Variants in BANK1 observed in about 807,000 individuals in gnomAD.
The protein encoded by BANK1 is B-cell scaffold protein with ankyrin repeats.
Under a neutral mutation model 94.5 loss-of-function variants are expected in BANK1, and 95 were observed. The ratio of observed to expected loss-of-function variants is 1.00; its 90% CI spans 0.85 to 1.19. The LOEUF (loss-of-function observed/expected upper bound fraction) is 1.19, where lower values mean the gene tolerates loss of function less well. Among genes scored for constraint, BANK1 ranks in the 50% most tolerant of loss-of-function variants. BANK1 has a pLI of 0.00. For missense variants in BANK1, 987 were observed against 932.2 expected (o/e 1.06, Z -0.77); for synonymous variants, 334 against 308.4 (o/e 1.08, Z -0.87).
intron 11 of BANK1, among the ~76,000 whole-genome samples, chr4:102,058,364 A>G (rs1449813703): frequency 1.3e-5 from 2 of 152,134 alleles, no homozygotes; most frequent in Non-Finnish European, 2.9e-5. Context: ...CTTTTACACT[A>G]AAAGACAAGA....
chr4:101,989,815 A>G (rs1432171043), intron 7 of BANK1, among the ~76,000 whole-genome samples: 6 of 152,316 alleles, frequency 3.9e-5, no homozygotes, highest in African/African-American at 1.4e-4. Context: ...GCATTATATC[A>G]AGAGACATGA....
At chr4:101,991,312 A>G (rs1305906387) in intron 7 of BANK1, among the ~76,000 whole-genome samples, 1 of 152,254 alleles carries the variant, frequency 6.6e-6, no homozygotes, top group Non-Finnish European at 1.5e-5. Flanking sequence ...AGTAGCTTTT[A>G]AAACTGTAGT....
At chr4:102,073,314 G>A (rs1728817298) in intron 15 of BANK1, among the ~76,000 whole-genome samples, 1 of 151,402 alleles carries the variant, frequency 6.6e-6, no homozygotes, top group African/African-American at 2.4e-5. Context: ...TAGCAAAAGT[G>A]GGTGCATTAT....
intron 13 of BANK1, among the ~76,000 whole-genome samples, chr4:102,065,887 A>G (rs1225577805): frequency 2.0e-5 from 3 of 152,148 alleles, no homozygotes; most frequent in Non-Finnish European, 4.4e-5. Flanking sequence ...AGAGAGATAA[A>G]AAGACTTTGA....
At chr4:101,864,783 A>G (rs1479837264) in intron 4 of BANK1, among the ~76,000 whole-genome samples, 1 of 152,212 alleles carries the variant, frequency 6.6e-6, no homozygotes, top group Non-Finnish European at 1.5e-5. Flanking sequence ...TGATTGAACA[A>G]AAGAATATGA....
chr4:101,799,253 T>C (rs1393386510), intron 1 of BANK1, among the ~76,000 whole-genome samples: 1 of 152,210 alleles, frequency 6.6e-6, no homozygotes, highest in Non-Finnish European at 1.5e-5. Flanking sequence ...GTCAGGTTTG[T>C]CAAAGATGAG....
At chr4:102,019,639 A>G (rs940800465) in intron 7 of BANK1, among the ~76,000 whole-genome samples, 1 of 152,190 alleles carries the variant, frequency 6.6e-6, no homozygotes, top group Non-Finnish European at 1.5e-5. Flanking sequence ...AAATGATTAG[A>G]TGTCAGAATG....
intron 7 of BANK1, among the ~76,000 whole-genome samples, chr4:102,020,572 G>T (rs1436668911): frequency 2.6e-5 from 4 of 151,982 alleles, no homozygotes; most frequent in Non-Finnish European, 5.9e-5. Context: ...GGCCAAAGTG[G>T]GTGATAAACT....
Position 102,025,454 on chromosome 4 carries a change from G to A in BANK1, c.1539G>A (p.Pro513=), listed in dbSNP as rs116520337. 1,278 of 1,613,916 alleles carry A rather than the reference G, an allele frequency of 7.9e-4. 14 individuals are homozygous for A. The African/African-American group carries it at 0.015, about 19-fold the overall frequency. ...PLMSSRPPLP[P]PRPVANAFQL... is the part of the protein sequence containing the mutation. Reference sequence around the variant, plus strand: ...TGAGCAGCAGACCTCCTCTCCCCCCGCCGCGACCTGTAGCTAATGCCTTCC... The same window carrying A: ...TGAGCAGCAGACCTCCTCTCCCCCCACCGCGACCTGTAGCTAATGCCTTCC... Residue 513 remains proline (P), a synonymous_variant, in exon 9 of 17, where the codon CCG becomes CCA. Transcript: ENST00000322953.
intron 7 of BANK1, among the ~76,000 whole-genome samples, chr4:101,971,172 T>C (rs772003293): frequency 6.6e-6 from 1 of 152,136 alleles, no homozygotes; most frequent in Non-Finnish European, 1.5e-5. Flanking sequence ...GGGCAATAAA[T>C]AATGCTAAAG....
chr4:102,044,312 G>C (rs1727803691), intron 11 of BANK1, among the ~76,000 whole-genome samples: 1 of 152,100 alleles, frequency 6.6e-6, no homozygotes, highest in African/African-American at 2.4e-5. Flanking sequence ...ACAGTTTACT[G>C]AGAATGATGA....
chr4:101,864,908 G>GA (rs1182759110), intron 4 of BANK1, among the ~76,000 whole-genome samples: 12 of 152,124 alleles, frequency 7.9e-5, no homozygotes, highest in African/African-American at 2.4e-4. Context: ...GGCTTTCTCT[G>GA]AAATGAGGAT....
chr4:102,047,376 C>T lies in BANK1; in HGVS notation c.1969+3469C>T, dbSNP rs115989222. Among the ~76,000 whole-genome samples the T allele has an allele frequency of 7.0e-3, 1,071 of 152,126 alleles. 9 individuals are homozygous for T. Among genetic ancestry groups the T allele is most frequent in the Middle Eastern group, 0.061 (18 of 294 alleles). On this transcript the variant is annotated intron_variant, in intron 11 of 16. Coordinates refer to ENST00000322953, the MANE Select transcript of BANK1 (RefSeq NM_017935.5). ...CTTGTAAATTTACATGCAAAAAACT[C>T]TTTATTTGACAGTTTTCCATTTTTA...
chr4:102,067,887 T>C (rs1181663255), intron 13 of BANK1, among the ~76,000 whole-genome samples: 3 of 152,098 alleles, frequency 2.0e-5, no homozygotes, highest in Non-Finnish European at 4.4e-5. Context: ...AGATGAAACA[T>C]AGGCTAGATG....
intron 2 of BANK1, among the ~76,000 whole-genome samples, chr4:101,853,093 A>T (rs1016173134): frequency 1.3e-5 from 2 of 152,190 alleles, no homozygotes; most frequent in African/African-American, 4.8e-5. Context: ...AGAAAGAAAG[A>T]GATTGCTTAT....
chr4:102,049,701 G>A (rs918693341), intron 11 of BANK1, among the ~76,000 whole-genome samples: 10 of 152,150 alleles, frequency 6.6e-5, no homozygotes. Context: ...CTTTAAAACC[G>A]TAATTGGTCA....
chr4:102,065,191 CTG>C (rs1728550316), intron 13 of BANK1, among the ~76,000 whole-genome samples: 1 of 152,154 alleles, frequency 6.6e-6, no homozygotes, highest in Admixed American at 6.5e-5. Flanking sequence ...TGACATTCTG[CTG>C]TGACACCCAA....
In BANK1 at chr4:101,886,794, A is replaced by G. The variant is rs141976542; in HGVS notation, c.904-8511A>G. 9.9e-5 allele frequency among the ~76,000 whole-genome samples: 15 copies of G among 152,172 alleles called. No homozygotes were observed. In the East Asian group the frequency reaches 2.3e-3, roughly 24 times the overall value. ...GGGGCATGTTGAAAAACTGAGCACAATCAAGCTTCAGTCATTACTCCAGAA... is the reference window on the plus strand; with the variant it reads ...GGGGCATGTTGAAAAACTGAGCACAGTCAAGCTTCAGTCATTACTCCAGAA... On this transcript the variant is annotated intron_variant, in intron 5 of 16. Coordinates refer to ENST00000322953, the MANE Select transcript of BANK1 (RefSeq NM_017935.5).
chr4:101,913,852 G>A (rs1328114251), intron 6 of BANK1, among the ~76,000 whole-genome samples: 1 of 152,102 alleles, frequency 6.6e-6, no homozygotes, highest in African/African-American at 2.4e-5. Flanking sequence ...AAAGCAATGA[G>A]TCCCTTCTGG....
Sources: gnomAD v4.1 joint callset for allele counts (sites outside exome capture counted in the v4.1 genomes callset) on GRCh38, gnomAD v4.1.1 for gene constraint, MANE v1.5 for transcripts, NCBI Gene and HGNC (gene_info 2026-07-23, HGNC 2026-07-21) for gene names.